MGLL: variants seen among roughly 807,000 people sequenced by gnomAD.
MGLL encodes the protein monoglyceride lipase, also known as lysophospholipase homolog.
Under a neutral mutation model 29.1 loss-of-function variants are expected in MGLL, and 7 were observed. The observed-to-expected ratio is 0.24, with a 90% CI of 0.14 to 0.45. MGLL has a LOEUF of 0.45. Ranked by LOEUF, MGLL falls within the 20% of genes least tolerant of loss-of-function variation. The pLI is 0.99. For missense variants in MGLL, 356 were observed against 413.6 expected, an observed-to-expected ratio of 0.86 and a Z score of 1.21; for synonymous variants, 148 against 168.3, an observed-to-expected ratio of 0.88 and a Z score of 0.93.
intron 2 of MGLL, among the ~76,000 whole-genome samples, chr3:127,808,141 C>A (rs887504234): frequency 2.0e-5 from 3 of 152,102 alleles, no homozygotes; most frequent in Non-Finnish European, 4.4e-5. Context: ...ACCATAGCCC[C>A]CAATGTGACC....
intron 2 of MGLL, among the ~76,000 whole-genome samples, chr3:127,806,824 C>T (rs540876967): frequency 1.3e-3 from 193 of 152,132 alleles, no homozygotes; most frequent in African/African-American, 4.4e-3. Flanking sequence ...CTCAGGAGTT[C>T]GAGACCAGCC....
At chr3:127,815,057 A>G (rs2107756446) in intron 2 of MGLL, among the ~76,000 whole-genome samples, 1 of 152,336 alleles carries the variant, frequency 6.6e-6, no homozygotes, top group South Asian at 2.1e-4. Context: ...AAGGTGCTTC[A>G]CTTTTTTTTC....
At chr3:127,820,551 C>T (rs1433255920) in intron 2 of MGLL, among the ~76,000 whole-genome samples, 1 of 152,172 alleles carries the variant, frequency 6.6e-6, no homozygotes, top group East Asian at 1.9e-4. Flanking sequence ...TACCACAAAC[C>T]ACTAATCTGT....
chr3:127,737,423 G>A (rs2076260224), intron 3 of MGLL, among the ~76,000 whole-genome samples: 2 of 151,242 alleles, frequency 1.3e-5, no homozygotes. Context: ...AATTAGTGAG[G>A]GAGGGAATGG....
At chr3:127,802,987 T>TC (rs1491414560) in intron 2 of MGLL, among the ~76,000 whole-genome samples, 68 of 142,282 alleles carry the variant, frequency 4.8e-4, no homozygotes, top group African/African-American at 1.5e-3. Context: ...TCTCTCTCTC[T>TC]TTTTTTTTTT....
rs182846339 is a variant in MGLL at position 127,788,553 on chromosome 3, C to T, written c.156-6658G>A. ...TTATCCTCTCTCTGGTCACCTGTCC[C>T]GGCACCCCTACCCTACCCTGTACTG... On this transcript the variant is annotated intron_variant, in intron 2 of 7. Transcript: ENST00000265052. 1.5e-4 allele frequency among the ~76,000 whole-genome samples: 23 copies of T among 152,288 alleles called. No homozygotes were observed. In the East Asian group the frequency reaches 2.7e-3, roughly 18 times the overall value.
At chr3:127,722,139 G>A (rs2075938165) in intron 4 of MGLL, among the ~76,000 whole-genome samples, 1 of 152,126 alleles carries the variant, frequency 6.6e-6, no homozygotes, top group African/African-American at 2.4e-5. Context: ...CCAAGAAGTG[G>A]CTCTTAGCAG....
At chr3:127,762,276 G>A (rs536249093) in intron 3 of MGLL, among the ~76,000 whole-genome samples, 3 of 152,168 alleles carry the variant, frequency 2.0e-5, no homozygotes, top group South Asian at 2.1e-4. Context: ...CTGCCCTGAC[G>A]GTTGGCAGCA....
intron 3 of MGLL, among the ~76,000 whole-genome samples, chr3:127,745,725 C>T (rs920844342): frequency 2.0e-5 from 3 of 152,094 alleles, no homozygotes; most frequent in Admixed American, 1.3e-4. Flanking sequence ...TTCAGGATGC[C>T]GGGGTTCCTG....
chr3:127,781,913 G>T lies in MGLL; in HGVS notation c.156-18C>A. ...TGAGGGCCCTGCAGAGACAAGAAGG[G>T]AGCCTGGTTAGGAAAGCCCACACGG... On this transcript the variant is annotated intron_variant, in intron 2 of 7. Coordinates refer to ENST00000265052, the MANE Select transcript of MGLL (RefSeq NM_007283.7). 6.2e-7 allele frequency: 1 copy of T among 1,613,086 alleles called. No homozygotes were observed. Among genetic ancestry groups the T allele is most frequent in the Middle Eastern group, 1.7e-4 (1 of 6,060 alleles).
At chr3:127,728,658 T>C (rs1010392759) in intron 3 of MGLL, among the ~76,000 whole-genome samples, 1 of 152,244 alleles carries the variant, frequency 6.6e-6, no homozygotes, top group Non-Finnish European at 1.5e-5. Context: ...CAAGCTCTTA[T>C]TTATTAAACA....
chr3:127,808,322 G>T (rs761039682), intron 2 of MGLL, among the ~76,000 whole-genome samples: 42 of 152,210 alleles, frequency 2.8e-4, no homozygotes, highest in Non-Finnish European at 7.4e-5. Flanking sequence ...TCTTAAGGTA[G>T]ATTCCATTCT....
chr3:127,804,656 G>A (rs1038257311), intron 2 of MGLL, among the ~76,000 whole-genome samples: 1 of 152,184 alleles, frequency 6.6e-6, no homozygotes, highest in Admixed American at 6.5e-5. Flanking sequence ...TAATGAACAT[G>A]TTTCCCCAAA....
intron 3 of MGLL, among the ~76,000 whole-genome samples, chr3:127,729,087 TG>T (rs2076098969): frequency 6.6e-6 from 1 of 152,142 alleles, no homozygotes; most frequent in African/African-American, 2.4e-5. Context: ...CTTTTGACTT[TG>T]TTTACATTGT....
chr3:127,764,420 C>T (rs1163070815), intron 3 of MGLL, among the ~76,000 whole-genome samples: 2 of 152,152 alleles, frequency 1.3e-5, no homozygotes, highest in African/African-American at 4.8e-5. Flanking sequence ...GATATCAAGG[C>T]CATATACTTG....
intron 2 of MGLL, among the ~76,000 whole-genome samples, chr3:127,820,698 G>A (rs2077843593): frequency 6.6e-6 from 1 of 152,168 alleles, no homozygotes; most frequent in Non-Finnish European, 1.5e-5. Context: ...CATTCTTTAA[G>A]AAATGTATTA....
chr3:127,779,686 G>A (rs1000025461), intron 3 of MGLL, among the ~76,000 whole-genome samples: 3 of 152,140 alleles, frequency 2.0e-5, no homozygotes. Context: ...ATCCAAGCTA[G>A]TAAAATCAGT....
intron 5 of MGLL, among the ~76,000 whole-genome samples, chr3:127,719,427 A>G (rs1431146544): frequency 6.6e-6 from 1 of 152,224 alleles, no homozygotes; most frequent in Non-Finnish European, 1.5e-5. Context: ...CCAGCCATTC[A>G]TCTTTCCTAA....
intron 3 of MGLL, among the ~76,000 whole-genome samples, chr3:127,727,123 T>C (rs1297797094): frequency 3.9e-5 from 6 of 152,222 alleles, no homozygotes; most frequent in African/African-American, 1.4e-4. Context: ...GACTTGTTTC[T>C]GTGTTCCCAT....
Sources: allele counts gnomAD v4.1 joint callset (sites outside exome capture counted in the v4.1 genomes callset), GRCh38; gene constraint gnomAD v4.1.1; transcripts MANE v1.5; gene names NCBI Gene and HGNC (gene_info 2026-07-23, HGNC 2026-07-21).